Variants in USP42 observed in about 807,000 individuals in gnomAD.
The protein encoded by USP42 is ubiquitin specific peptidase 42, also known as ubiquitin carboxyl-terminal hydrolase 42.
USP42 carries 23 observed loss-of-function variants against 113.0 expected under a neutral mutation model. That is an observed-to-expected ratio of 0.20 (90% CI 0.15 to 0.29). The LOEUF (loss-of-function observed/expected upper bound fraction) is 0.29, where lower values mean the gene tolerates loss of function less well. USP42 is among the 10% of genes least tolerant of loss of function. The pLI, the probability that USP42 is intolerant of heterozygous loss-of-function variation, is 1.00. For missense variants in USP42, 2,174 were observed against 1,779.8 expected, an observed-to-expected ratio of 1.22 and a Z score of -3.99; for synonymous variants, 933 against 699.0, an observed-to-expected ratio of 1.33 and a Z score of -5.28.
At chr7:6,124,816 T>A (rs897800215) in intron 3 of USP42, among the ~76,000 whole-genome samples, 24 of 152,288 alleles carry the variant, frequency 1.6e-4, no homozygotes, top group African/African-American at 5.3e-4. Flanking sequence ...ATTGGCATAT[T>A]TTTGATATTT....
At chr7:6,085,930 T>A in the USP42 span, among the ~76,000 whole-genome samples, 2 of 150,864 alleles carry the variant, frequency 1.3e-5, no homozygotes, top group South Asian at 4.2e-4. Context: ...CTATATTTTT[T>A]ATAAATGCCC....
the USP42 span, among the ~76,000 whole-genome samples, chr7:6,085,616 A>ATT: frequency 5.1e-5 from 7 of 138,372 alleles, no homozygotes; most frequent in African/African-American, 2.0e-4. Context: ...ATATATATAT[A>ATT]TATATATATT....
chr7:6,130,613 G>A (rs1428363648), intron 3 of USP42, among the ~76,000 whole-genome samples: 3 of 152,154 alleles, frequency 2.0e-5, no homozygotes, highest in African/African-American at 7.2e-5. Flanking sequence ...ACCCAGTATG[G>A]GTTAGGGTGC....
intron 8 of USP42, among the ~76,000 whole-genome samples, chr7:6,143,830 A>G (rs1480860255): frequency 6.6e-6 from 1 of 152,106 alleles, no homozygotes; most frequent in Non-Finnish European, 1.5e-5. Flanking sequence ...TAATTTTAAC[A>G]TTATTGGTGG....
chr7:6,111,488 C>A, intron 2 of USP42, 114 bp downstream of exon 2: 1 of 1,288,220 alleles, frequency 7.8e-7, no homozygotes, highest in Non-Finnish European at 1.1e-6. Flanking sequence ...ACCTGAGTGG[C>A]CAGCAGAGTT....
At chr7:6,118,134 C>A (rs1207258360) in intron 3 of USP42, among the ~76,000 whole-genome samples, 1 of 151,976 alleles carries the variant, frequency 6.6e-6, no homozygotes, top group Non-Finnish European at 1.5e-5. Context: ...TGGCTCATGC[C>A]TGTAATCCCA....
intron 14 of USP42, among the ~76,000 whole-genome samples, chr7:6,151,479 C>T (rs909499192): frequency 6.6e-6 from 1 of 152,208 alleles, no homozygotes; most frequent in Non-Finnish European, 1.5e-5. Context: ...CGCTGTGTCA[C>T]CAGGCTGGAG....
intron 2 of USP42, among the ~76,000 whole-genome samples, chr7:6,114,656 GTATATA>G (rs71008362): frequency 0.014 from 861 of 60,262 alleles, 20 homozygotes; most frequent in Middle Eastern, 0.029. Context: ...ATGTGTGTGT[GTATATA>G]TATATATATA....
chr7:6,118,499 G>C (rs538656694), intron 3 of USP42, among the ~76,000 whole-genome samples: 80 of 151,952 alleles, frequency 5.3e-4, no homozygotes, highest in African/African-American at 1.9e-3. Flanking sequence ...TCCAGTCTGG[G>C]TGACAGTAAG....
chr7:6,115,661 AGGAGGACTCAGGATTGG>A, intron 3 of USP42, 138 bp downstream of exon 3: 2 of 1,020,054 alleles, frequency 2.0e-6, no homozygotes, highest in Non-Finnish European at 1.4e-6. Context: ...GAAACCAAGG[AGGAGGACTCAGGATTGG>A]GATTCAGGTT....
chr7:6,123,831 T>G (rs1237047130), intron 3 of USP42, among the ~76,000 whole-genome samples: 1 of 85,804 alleles, frequency 1.2e-5, no homozygotes, highest in East Asian at 1.0e-3. Flanking sequence ...AGACCCTGTC[T>G]CAAAAAAAAA....
rs149194786 is a variant in USP42, at chr7:6,110,239, G to A, written c.-9-886G>A. Among the ~76,000 whole-genome samples the A allele has an allele frequency of 2.8e-3, 420 of 152,294 alleles. 1 individual carries two copies. The highest frequency in any genetic ancestry group is 4.7e-3 in the Non-Finnish European group (320 of 68,010). On this transcript the variant is annotated intron_variant, in intron 1 of 17. Coordinates refer to ENST00000306177, the MANE Select transcript of USP42 (RefSeq NM_032172.3). ...TTCTGTTGACAGGGTGGCATAACCA[G>A]AAGGAAGCCTGGCTGGGAACGCTGG...
chr7:6,109,539 G>A (rs1217023850), intron 1 of USP42, among the ~76,000 whole-genome samples: 3 of 151,716 alleles, frequency 2.0e-5, no homozygotes, highest in Non-Finnish European at 2.9e-5. Flanking sequence ...GAATACAGGC[G>A]TGCGCCACCA....
At position 6,159,527 on chromosome 7, in the gene USP42, T is replaced by C; in HGVS notation, c.*36+34T>C. The C allele has an allele frequency of 1.2e-6, 2 of 1,601,318 alleles. No individual in the cohort carries two copies. The highest frequency in any genetic ancestry group is 1.1e-5 in the South Asian group (1 of 90,764). On this transcript the variant is annotated intron_variant, in intron 17 of 17. Transcript: ENST00000306177. This position sits in a 1 kb window ranked among gnomAD's most constrained non-coding sequence, Gnocchi z 4.1. ...TTTTCCTGTCTGTTTCCTCATTGTT[T>C]GTGGTGGCGCTGAGGGGACGCAGGC... is the stretch of plus-strand genomic sequence containing the variant.
intron 6 of USP42, 50 bp from the exon 7 acceptor site, chr7:6,140,864 G>A: frequency 1.0e-6 from 1 of 996,500 alleles, no homozygotes; most frequent in South Asian, 1.5e-5. Context: ...AGTTGATGTT[G>A]CTGTAATGAT....
chr7:6,159,292 G>A lies in USP42; in HGVS notation c.3944-158G>A, dbSNP rs986155776. 1.3e-5 allele frequency among the ~76,000 whole-genome samples: 2 copies of A among 152,192 alleles called. No homozygotes were observed. Among genetic ancestry groups the A allele is most frequent in the African/African-American group, 4.8e-5 (2 of 41,452 alleles). On this transcript the variant is annotated intron_variant, in intron 16 of 17. Transcript: ENST00000306177. This position sits in a 1 kb window ranked among gnomAD's most constrained non-coding sequence, Gnocchi z 4.1. ...AAAACCCTGGGAGCAGCCGCTGAGC[G>A]CTGGGACATCCCTGCTCACCTCACT...
intron 3 of USP42, chr7:6,116,648 G>C (rs1779927576): frequency 2.4e-6 from 1 of 414,878 alleles, no homozygotes; most frequent in African/African-American, 2.2e-5. Flanking sequence ...CCTCCAAAGA[G>C]CCAAGTAATG....
chr7:6,099,876 T>C, the USP42 span, among the ~76,000 whole-genome samples: 1 of 149,850 alleles, frequency 6.7e-6, no homozygotes, highest in Non-Finnish European at 1.5e-5. Context: ...GGCAGGAGAA[T>C]CACTTAAACC....
At chr7:6,092,053 C>CTTCTTCTTCTTCTTCTTT in the USP42 span, among the ~76,000 whole-genome samples, 71 of 41,762 alleles carry the variant, frequency 1.7e-3, 3 homozygotes, top group Middle Eastern at 0.014. Flanking sequence ...TCTTCTTCTT[C>CTTCTTCTTCTTCTTCTTT]TTTCTTCTTC....
Sources: gnomAD v4.1 joint callset for allele counts (sites outside exome capture counted in the v4.1 genomes callset) on GRCh38, gnomAD v4.1.1 for gene constraint, Gnocchi (gnomAD v3.1) non-coding constraint, MANE v1.5 for transcripts, NCBI Gene and HGNC (gene_info 2026-07-23, HGNC 2026-07-21) for gene names.